Variants in MRPS30 observed in about 807,000 individuals in gnomAD.
MRPS30 encodes mitochondrial ribosomal protein S30, also known as large ribosomal subunit protein mL65.
Under a neutral mutation model 43.8 loss-of-function variants are expected in MRPS30, and 42 were observed. That is an observed-to-expected ratio of 0.96 (90% CI 0.75 to 1.24). MRPS30 has a LOEUF of 1.24. Among genes scored for constraint, MRPS30 ranks in the 50% most tolerant of loss-of-function variants. MRPS30 has a pLI of 0.00. For missense variants in MRPS30, 638 were observed against 570.0 expected, an observed-to-expected ratio of 1.12 and a Z score of -1.22; for synonymous variants, 273 against 228.2, an observed-to-expected ratio of 1.20 and a Z score of -1.77.
In MRPS30 at chr5:44,810,996, A is replaced by T; in HGVS notation, c.602-13A>T. 6.2e-7 allele frequency: 1 copy of T among 1,609,686 alleles called. No homozygotes were observed. Among genetic ancestry groups the T allele is most frequent in the Non-Finnish European group, 8.5e-7 (1 of 1,177,472 alleles). ...TGATCAGATGAAAAAAATTTTGAAT[A>T]TCTTTTTGATAGATTATAGATGCCC... On this transcript the variant is annotated splice_polypyrimidine_tract_variant and intron_variant, in intron 1 of 4. Coordinates refer to ENST00000507110, the MANE Select transcript of MRPS30 (RefSeq NM_016640.4).
chr5:44,809,041 A>G lies in MRPS30; in HGVS notation c.79A>G (p.Thr27Ala). ...SLHTAANAAA[T>A]ATETTCQDVA... The stretch of plus-strand genomic sequence containing the variant: ...GCACACCGCGGCTAATGCCGCCGCC[A>G]CGGCTACAGAAACGACCTGCCAAGA... Residue 27 changes from threonine to alanine, a missense_variant, in exon 1 of 5, where the codon ACG (threonine) becomes GCG (alanine). Physicochemically the swap from Thr to Ala is moderately conservative, Grantham distance 58 (BLOSUM62 0). Transcript: ENST00000507110. 2 of 1,610,424 alleles carry G rather than the reference A, an allele frequency of 1.2e-6. No individual in the cohort carries two copies. The highest frequency in any genetic ancestry group is 1.3e-5 in the African/African-American group (1 of 74,982).
chr5:44,811,035 T>C lies in MRPS30; in HGVS notation c.628T>C (p.Trp210Arg), dbSNP rs374868414. The C allele has an allele frequency of 1.9e-6, 3 of 1,613,902 alleles. No individual in the cohort carries two copies. In the African/African-American group the frequency reaches 4.0e-5, roughly 22 times the overall value. ...LDYRCPVHFYWVRGEEIIPRG... is the reference protein window; with the variant it reads ...LDYRCPVHFYRVRGEEIIPRG... Reference sequence around the variant, plus strand: ...TTATAGATGCCCAGTTCATTTTTACTGGGTGCGTGGTGAAGAAATTATTCC... The same window carrying C: ...TTATAGATGCCCAGTTCATTTTTACCGGGTGCGTGGTGAAGAAATTATTCC... The change falls in exon 2 of 5, where the codon TGG becomes CGG. Residue 210 changes from tryptophan (W) to arginine (R), a missense_variant. Physicochemically the swap from Trp to Arg is moderately radical, Grantham distance 101 (BLOSUM62 -3). Coordinates refer to ENST00000507110, the MANE Select transcript of MRPS30 (RefSeq NM_016640.4).
Position 44,812,001 on chromosome 5 carries a change from T to C in MRPS30, c.834T>C (p.Tyr278=). The C allele has an allele frequency of 6.3e-7, 1 of 1,594,694 alleles. No homozygotes were observed. The highest frequency in any genetic ancestry group is 8.6e-7 in the Non-Finnish European group (1 of 1,166,970). ...PDKLPLFKRQ[Y]ENHIFVGSKT... The stretch of plus-strand genomic sequence containing the variant: ...AACTTCCATTATTCAAACGGCAGTA[T>C]GAAAACCACATATTTGTTGGTAAGT... Residue 278 remains tyrosine, a synonymous_variant, in exon 3 of 5, where the codon TAT becomes TAC. Transcript: ENST00000507110.
Position 44,815,193 on chromosome 5 carries a change from G to A in MRPS30, c.1311G>A (p.Leu437=). The A allele has an allele frequency of 1.9e-6, 3 of 1,578,090 alleles. No homozygotes were observed. The South Asian group carries it at 3.5e-5, about 19-fold the overall frequency. ...CAAAAGAAGAAAAATCACAGCTGTTGGAAAACTGAAAAAGCATATTTGATT... is the reference window on the plus strand; with the variant it reads ...CAAAAGAAGAAAAATCACAGCTGTTAGAAAACTGAAAAAGCATATTTGATT... The part of the protein sequence containing the change: ...NRPKEEKSQL[L]EN Residue 437 remains leucine (L), a synonymous_variant, in exon 5 of 5, where the codon TTG becomes TTA. Transcript: ENST00000507110.
Position 44,809,306 on chromosome 5 carries a change from T to A in MRPS30, c.344T>A (p.Leu115Gln), listed in dbSNP as rs145293565. Reference protein sequence around the residue: ...WYQYFTKTVFLSGLPPPPAEP... With the variant: ...WYQYFTKTVFQSGLPPPPAEP... Reference sequence around the variant, plus strand: ...CAGTACTTCACCAAGACCGTGTTCCTGTCGGGTCTGCCGCCGCCCCCAGCG... The same window carrying A: ...CAGTACTTCACCAAGACCGTGTTCCAGTCGGGTCTGCCGCCGCCCCCAGCG... The change falls in exon 1 of 5, where the codon CTG (leucine) becomes CAG (glutamine). Residue 115 changes from leucine to glutamine, a missense_variant. Leu to Gln is a moderately radical substitution (Grantham distance 113). Coordinates refer to ENST00000507110, the MANE Select transcript of MRPS30 (RefSeq NM_016640.4). 1.7e-4 allele frequency: 280 copies of A among 1,612,818 alleles called. 2 individuals carry two copies. The East Asian group carries it at 5.7e-3, about 33-fold the overall frequency.
rs1742895025 is a variant in MRPS30 at position 44,814,961 on chromosome 5, T to G, written c.1079T>G (p.Val360Gly). ...DVTRPFVSQA[V>G]ITDGKYFSFF... is the part of the protein sequence containing the mutation. ...ACTCGACCTTTTGTCTCCCAGGCTG[T>G]GATCACAGATGGAAAATACTTTTCC... The change falls in exon 5 of 5, where the codon GTG becomes GGG. Residue 360 changes from valine (V) to glycine (G), a missense_variant. Val to Gly is a moderately radical substitution (Grantham distance 109). Coordinates refer to ENST00000507110, the MANE Select transcript of MRPS30 (RefSeq NM_016640.4). The G allele has an allele frequency of 1.2e-5, 19 of 1,613,788 alleles. No homozygotes were observed. Among genetic ancestry groups the G allele is most frequent in the African/African-American group, 2.7e-5 (2 of 75,040 alleles).
intron 3 of MRPS30, 85 bp from the exon 4 acceptor site, chr5:44,813,021 A>G (rs1270275152): frequency 7.7e-6 from 10 of 1,306,896 alleles, no homozygotes; most frequent in South Asian, 2.7e-5. Flanking sequence ...ATAAAGAAGG[A>G]AAAAAAAGGC....
At chr5:44,812,136 C>G (rs1742850697) in intron 3 of MRPS30, 116 bp downstream of exon 3, 4 of 580,772 alleles carry the variant, frequency 6.9e-6, no homozygotes, top group African/African-American at 3.8e-5. Flanking sequence ...TTTACATAGT[C>G]TATGAGCAAT....
rs1742869369 is a variant in MRPS30, at chr5:44,813,129, T to G, written c.877T>G (p.Cys293Gly). The G allele has an allele frequency of 6.2e-7, 1 of 1,612,950 alleles. No individual in the cohort carries two copies. Among genetic ancestry groups the G allele is most frequent in the Non-Finnish European group, 8.5e-7 (1 of 1,179,598 alleles). ...AGGCTCAAAAACTGCAGATCCTTGCTGTTACGGTCACACCCAGTTTCATCT... is the reference window on the plus strand; with the variant it reads ...AGGCTCAAAAACTGCAGATCCTTGCGGTTACGGTCACACCCAGTTTCATCT... The part of the protein sequence containing the change: ...FVGSKTADPC[C>G]YGHTQFHLLP... Residue 293 changes from cysteine (C) to glycine (G), a missense_variant, in exon 4 of 5, where the codon TGT becomes GGT. Cys to Gly is a radical substitution (Grantham distance 159). Coordinates refer to ENST00000507110, the MANE Select transcript of MRPS30 (RefSeq NM_016640.4).
chr5:44,809,916 C>G (rs1742802514), intron 1 of MRPS30: 1 of 258,006 alleles, frequency 3.9e-6, no homozygotes, highest in Non-Finnish European at 7.3e-6. Context: ...TTCCTGTTGG[C>G]TGTTCCACCA....
chr5:44,813,557 A>G (rs933738709), intron 4 of MRPS30: 4 of 238,614 alleles, frequency 1.7e-5, no homozygotes, highest in African/African-American at 9.0e-5. Context: ...AACTAAGTCA[A>G]CCCTTTCTAG....
At chr5:44,812,318 T>G (rs887932920) in intron 3 of MRPS30, among the ~76,000 whole-genome samples, 12 of 152,320 alleles carry the variant, frequency 7.9e-5, no homozygotes, top group African/African-American at 2.9e-4. Context: ...AAGTAAAAAC[T>G]TTTAGAACTG....
chr5:44,813,463 G>C (rs1742874924), intron 4 of MRPS30, 181 bp downstream of exon 4: 1 of 476,134 alleles, frequency 2.1e-6, no homozygotes, highest in South Asian at 4.0e-5. Context: ...TTTGAAATCT[G>C]ACACTGAGGT....
rs202201744 is a variant in MRPS30, at chr5:44,811,166, T to C, written c.747+12T>C. 1 of 1,613,328 alleles carries C rather than the reference T, an allele frequency of 6.2e-7. No homozygotes were observed. Among genetic ancestry groups the C allele is most frequent in the Admixed American group, 1.7e-5 (1 of 60,016 alleles). On this transcript the variant is annotated intron_variant, in intron 2 of 4. Coordinates refer to ENST00000507110, the MANE Select transcript of MRPS30 (RefSeq NM_016640.4). ...AGCAACTCGCAGAGGTAAGGATTTATTGCGATTATGTATCTATTGATATCT... is the reference window on the plus strand; with the variant it reads ...AGCAACTCGCAGAGGTAAGGATTTACTGCGATTATGTATCTATTGATATCT...
chr5:44,813,466 A>G (rs1742875037), intron 4 of MRPS30, 184 bp downstream of exon 4: 1 of 469,776 alleles, frequency 2.1e-6, no homozygotes, highest in Admixed American at 4.3e-5. Context: ...GAAATCTGAC[A>G]CTGAGGTAGT....
At position 44,811,000 on chromosome 5, in the gene MRPS30, T is replaced by C; in HGVS notation, c.602-9T>C. ...CAGATGAAAAAAATTTTGAATATCTTTTTGATAGATTATAGATGCCCAGTT... is the reference window on the plus strand; with the variant it reads ...CAGATGAAAAAAATTTTGAATATCTCTTTGATAGATTATAGATGCCCAGTT... On this transcript the variant is annotated splice_polypyrimidine_tract_variant and intron_variant, in intron 1 of 4. Transcript: ENST00000507110. 1 of 1,611,688 alleles carries C rather than the reference T, an allele frequency of 6.2e-7. No individual in the cohort carries two copies. Among genetic ancestry groups the C allele is most frequent in the African/African-American group, 1.3e-5 (1 of 74,918 alleles).
At chr5:44,811,231 A>C in intron 2 of MRPS30, 77 bp downstream of exon 2, 1 of 1,481,634 alleles carries the variant, frequency 6.7e-7, no homozygotes, top group Non-Finnish European at 9.2e-7. Context: ...TAATAGTCTT[A>C]GTAGAATAAA....
chr5:44,809,291 C>A lies in MRPS30; in HGVS notation c.329C>A (p.Thr110Asn). 6.2e-7 allele frequency: 1 copy of A among 1,613,278 alleles called. No individual in the cohort carries two copies. The change falls in exon 1 of 5, where the codon ACC becomes AAC. Residue 110 changes from threonine to asparagine, a missense_variant. Physicochemically the swap from Thr to Asn is moderately conservative, Grantham distance 65. Coordinates refer to ENST00000507110, the MANE Select transcript of MRPS30 (RefSeq NM_016640.4). Reference sequence around the variant, plus strand: ...GCCGACCGCTGGTACCAGTACTTCACCAAGACCGTGTTCCTGTCGGGTCTG... The same window carrying A: ...GCCGACCGCTGGTACCAGTACTTCAACAAGACCGTGTTCCTGTCGGGTCTG... ...LNADRWYQYF[T>N]KTVFLSGLPP...
chr5:44,809,671 G>A, intron 1 of MRPS30, 108 bp downstream of exon 1: 1 of 1,250,772 alleles, frequency 8.0e-7, no homozygotes, highest in East Asian at 2.4e-5. Context: ...CTTCGTTCAT[G>A]TTTTCCTAGT....
Sources: allele counts gnomAD v4.1 joint callset (sites outside exome capture counted in the v4.1 genomes callset), GRCh38; gene constraint gnomAD v4.1.1; transcripts MANE v1.5; gene names NCBI Gene and HGNC (gene_info 2026-07-23, HGNC 2026-07-21).